PLEKHH2: variants seen among roughly 807,000 people sequenced by gnomAD.
PLEKHH2 encodes the protein pleckstrin homology domain-containing family H member 2.
PLEKHH2 carries 129 observed loss-of-function variants against 187.9 expected under a neutral mutation model. The observed-to-expected ratio is 0.69, with a 90% CI of 0.59 to 0.79. The LOEUF (loss-of-function observed/expected upper bound fraction) is 0.79, where lower values mean the gene tolerates loss of function less well. Among genes scored for constraint, PLEKHH2 ranks in the 30% least tolerant of loss-of-function variants. The pLI is 0.00. For synonymous variants in PLEKHH2, 686 were observed against 605.6 expected (o/e 1.13, Z -1.95); for missense variants, 2,076 against 1,751.2 (o/e 1.19, Z -3.31).
chr2:43,678,396 C>A (rs1236034184), intron 2 of PLEKHH2, among the ~76,000 whole-genome samples: 1 of 152,130 alleles, frequency 6.6e-6, no homozygotes, highest in Non-Finnish European at 1.5e-5. Context: ...CGAGATCACG[C>A]CACTGCACTC....
intron 7 of PLEKHH2, among the ~76,000 whole-genome samples, chr2:43,699,050 C>T (rs576107633): frequency 1.8e-4 from 28 of 152,212 alleles, no homozygotes; most frequent in African/African-American, 4.6e-4. Context: ...AAATTTACTT[C>T]ATTATAATCT....
At chr2:43,679,016 C>T in intron 3 of PLEKHH2, 91 bp downstream of exon 3, 1 of 768,820 alleles carries the variant, frequency 1.3e-6, no homozygotes, top group Non-Finnish European at 2.2e-6. Flanking sequence ...TATCAGCCCA[C>T]CTCTACATCT....
intron 11 of PLEKHH2, among the ~76,000 whole-genome samples, chr2:43,709,581 A>G (rs1341566990): frequency 1.3e-5 from 2 of 152,178 alleles, no homozygotes; most frequent in Non-Finnish European, 2.9e-5. Flanking sequence ...TTCTGCTTTA[A>G]AAGTTCTTCA....
chr2:43,667,686 C>G (rs1667281196), intron 2 of PLEKHH2, among the ~76,000 whole-genome samples: 1 of 152,140 alleles, frequency 6.6e-6, no homozygotes, highest in Admixed American at 6.5e-5. Flanking sequence ...AAGCTAGACA[C>G]AGAAGGTCAC....
chr2:43,694,327 T>C (rs1278544827), intron 4 of PLEKHH2, 104 bp from the exon 5 acceptor site: 32 of 1,300,236 alleles, frequency 2.5e-5, no homozygotes, highest in Non-Finnish European at 3.3e-5. Flanking sequence ...ATATAGTAAC[T>C]TGGAATCAAG....
chr2:43,675,453 C>G (rs1477430923), intron 2 of PLEKHH2: 2 of 1,613,566 alleles, frequency 1.2e-6, no homozygotes, highest in African/African-American at 1.3e-5. Context: ...TGAGCCGGTA[C>G]AGGCCATACA....
At chr2:43,676,713 T>G (rs1006903956) in intron 2 of PLEKHH2, among the ~76,000 whole-genome samples, 1 of 152,188 alleles carries the variant, frequency 6.6e-6, no homozygotes, top group Non-Finnish European at 1.5e-5. Flanking sequence ...CGTATGTTGA[T>G]TAGCATGGGG....
At position 43,675,446 on chromosome 2, in the gene PLEKHH2, G is replaced by A. The variant is rs777833743; in HGVS notation, c.124-3417G>A. 6.8e-6 allele frequency: 11 copies of A among 1,613,004 alleles called. No individual in the cohort carries two copies. The South Asian group carries it at 1.1e-4, about 16-fold the overall frequency. ...TTGAAATAGTGTCCAAATGCCCTGA[G>A]CCGGTACAGGCCATACATCATTACT... On this transcript the variant is annotated intron_variant, in intron 2 of 29. Transcript: ENST00000282406.
intron 19 of PLEKHH2, among the ~76,000 whole-genome samples, chr2:43,732,750 G>A (rs984473551): frequency 2.6e-5 from 4 of 151,784 alleles, no homozygotes; most frequent in African/African-American, 9.7e-5. Flanking sequence ...ATCTAGTCTG[G>A]TTTGTTTCTA....
intron 19 of PLEKHH2, 53 bp from the exon 20 acceptor site, chr2:43,738,288 G>A: frequency 2.1e-6 from 3 of 1,415,952 alleles, no homozygotes. Context: ...AATTCATGCA[G>A]AATAAATCTA....
chr2:43,682,465 C>T lies in PLEKHH2; in HGVS notation c.186+3540C>T, dbSNP rs561713118. Among the ~76,000 whole-genome samples, 97 of 151,932 alleles carry T rather than the reference C, an allele frequency of 6.4e-4. 1 individual carries two copies. The South Asian group carries it at 0.018, about 28-fold the overall frequency. On this transcript the variant is annotated intron_variant, in intron 3 of 29. Transcript: ENST00000282406. ...GGGACTATAGGCACCCACCACCACG[C>T]CTGGCTAATTTTTTGTATTTTTAGA... is the stretch of plus-strand genomic sequence containing the variant.
chr2:43,692,997 T>A (rs1485824440), intron 4 of PLEKHH2, among the ~76,000 whole-genome samples: 2 of 152,208 alleles, frequency 1.3e-5, no homozygotes, highest in Admixed American at 6.5e-5. Context: ...CACTGCAACC[T>A]CTGCAAGTCC....
At chr2:43,712,507 G>T in intron 15 of PLEKHH2, 124 bp downstream of exon 15, 1 of 1,188,824 alleles carries the variant, frequency 8.4e-7, no homozygotes, top group African/African-American at 1.6e-5. Flanking sequence ...GGATAGGAAA[G>T]GGTGTTTTTA....
At chr2:43,686,184 T>C (rs1668496249) in intron 3 of PLEKHH2, among the ~76,000 whole-genome samples, 1 of 151,960 alleles carries the variant, frequency 6.6e-6, no homozygotes, top group Non-Finnish European at 1.5e-5. Flanking sequence ...CTTCCTCTTC[T>C]TCTTCTTCTT....
intron 27 of PLEKHH2, among the ~76,000 whole-genome samples, chr2:43,759,916 A>G (rs1191141032): frequency 6.6e-6 from 1 of 152,248 alleles, no homozygotes; most frequent in Admixed American, 6.5e-5. Context: ...AATCTAAGGT[A>G]TCTTCTAACT....
chr2:43,730,179 C>G (rs531982890), intron 18 of PLEKHH2, among the ~76,000 whole-genome samples: 1 of 152,336 alleles, frequency 6.6e-6, no homozygotes, highest in South Asian at 2.1e-4. Context: ...CTGCAACCCA[C>G]AGGTGGCCTG....
intron 25 of PLEKHH2, among the ~76,000 whole-genome samples, chr2:43,754,877 T>C (rs1483640662): frequency 6.7e-6 from 1 of 149,156 alleles, no homozygotes; most frequent in Non-Finnish European, 1.5e-5. Flanking sequence ...AACTTTTTTT[T>C]TTTTTTTTTT....
intron 10 of PLEKHH2, 134 bp from the exon 11 acceptor site, chr2:43,707,267 G>T: frequency 1.3e-6 from 1 of 796,820 alleles, no homozygotes; most frequent in Non-Finnish European, 1.9e-6. Flanking sequence ...TAAAAAGAGT[G>T]ATAACCTTAG....
intron 27 of PLEKHH2, among the ~76,000 whole-genome samples, chr2:43,760,439 T>C (rs1672380759): frequency 6.9e-6 from 1 of 144,410 alleles, no homozygotes; most frequent in South Asian, 2.3e-4. Context: ...CTTGACTCAC[T>C]GCAACCTCCG....
Sources: allele counts gnomAD v4.1 joint callset (sites outside exome capture counted in the v4.1 genomes callset), GRCh38; gene constraint gnomAD v4.1.1; transcripts MANE v1.5; gene names NCBI Gene and HGNC (gene_info 2026-07-23, HGNC 2026-07-21).